Variants in RBFOX1 observed in about 807,000 individuals in gnomAD.
RBFOX1 encodes the protein RNA binding fox-1 homolog 1.
In RBFOX1, 8 loss-of-function variants were observed where a neutral mutation model predicts 57.7. The ratio of observed to expected loss-of-function variants is 0.14; its 90% CI spans 0.08 to 0.25. The LOEUF is 0.25. RBFOX1 is among the 10% of genes least tolerant of loss of function. The pLI is 1.00. For missense variants in RBFOX1, 611 were observed against 548.5 expected (o/e 1.11, Z -1.14); for synonymous variants, 326 against 222.4 (o/e 1.47, Z -4.15).
chr16:5,945,829 C>T (rs1194321524), intron 4 of RBFOX1, among the ~76,000 whole-genome samples: 1 of 152,190 alleles, frequency 6.6e-6, no homozygotes, highest in South Asian at 2.1e-4. Flanking sequence ...GGGCATCCTT[C>T]CTCCCTAGTG....
intron 4 of RBFOX1, among the ~76,000 whole-genome samples, chr16:7,165,111 G>C (rs975391448): frequency 6.6e-6 from 1 of 152,168 alleles, no homozygotes; most frequent in African/African-American, 2.4e-5. Context: ...AATCCTGTCA[G>C]TAGTCATCCA....
At chr16:5,660,750 CT>C (rs2049619336) in intron 3 of RBFOX1, among the ~76,000 whole-genome samples, 1 of 152,100 alleles carries the variant, frequency 6.6e-6, no homozygotes, top group Admixed American at 6.5e-5. Context: ...ATGAATGACG[CT>C]TTAAGATGCC....
intron 1 of RBFOX1, among the ~76,000 whole-genome samples, chr16:6,122,357 A>AACACACACAC (rs61531585): frequency 2.7e-5 from 4 of 145,456 alleles, no homozygotes; most frequent in South Asian, 2.2e-4. Flanking sequence ...CTAAAAGATA[A>AACACACACAC]ACACACACAC....
At chr16:5,463,966 T>C (rs2068875717) in intron 1 of RBFOX1, among the ~76,000 whole-genome samples, 1 of 152,162 alleles carries the variant, frequency 6.6e-6, no homozygotes, top group Non-Finnish European at 1.5e-5. Flanking sequence ...TTGAAGAGCC[T>C]CTCACTGCCA....
At chr16:5,331,481 T>C (rs2064755160) in intron 1 of RBFOX1, among the ~76,000 whole-genome samples, 1 of 152,234 alleles carries the variant, frequency 6.6e-6, no homozygotes, top group Admixed American at 6.5e-5. Flanking sequence ...TTGTTTTATG[T>C]CTGTCTTACC....
At chr16:7,635,594 A>G (rs1046996839) in intron 11 of RBFOX1, among the ~76,000 whole-genome samples, 2 of 152,186 alleles carry the variant, frequency 1.3e-5, no homozygotes, top group Non-Finnish European at 2.9e-5. Context: ...GTGTGTTATT[A>G]GTTTGACTTT....
chr16:6,908,625 A>C (rs1244555346), intron 3 of RBFOX1, among the ~76,000 whole-genome samples: 1 of 152,182 alleles, frequency 6.6e-6, no homozygotes, highest in Non-Finnish European at 1.5e-5. Flanking sequence ...GAAATGGTTA[A>C]TGAATCCTAT....
intron 3 of RBFOX1, among the ~76,000 whole-genome samples, chr16:6,973,597 G>C (rs1357440593): frequency 6.6e-6 from 1 of 152,050 alleles, no homozygotes; most frequent in Non-Finnish European, 1.5e-5. Flanking sequence ...AAATGGTGAG[G>C]ACTTTTTATT....
At chr16:6,298,822 G>A (rs1269921393) in intron 1 of RBFOX1, among the ~76,000 whole-genome samples, 2 of 152,132 alleles carry the variant, frequency 1.3e-5, no homozygotes, top group African/African-American at 2.4e-5. Context: ...ATATTTAAAT[G>A]GATCATGCCA....
At chr16:6,636,218 T>A (rs551329441) in intron 2 of RBFOX1, among the ~76,000 whole-genome samples, 14 of 152,298 alleles carry the variant, frequency 9.2e-5, no homozygotes, top group African/African-American at 3.4e-4. Flanking sequence ...TCGCCCAGGC[T>A]GGAGTGCAGA....
chr16:6,248,457 T>C lies in RBFOX1; in HGVS notation c.-126-68538T>C, dbSNP rs140526070. ...GGGACATGGGTATAAATAAGCTTTATGTAGTCACAGCTACTAAGAGCAATG... is the reference window on the plus strand; with the variant it reads ...GGGACATGGGTATAAATAAGCTTTACGTAGTCACAGCTACTAAGAGCAATG... On this transcript the variant is annotated intron_variant, in intron 1 of 15. Transcript: ENST00000550418. Among the ~76,000 whole-genome samples, 1,435 of 152,254 alleles carry C rather than the reference T, an allele frequency of 9.4e-3. 10 individuals carry two copies. Among genetic ancestry groups the C allele is most frequent in the Middle Eastern group, 0.031 (9 of 294 alleles).
At chr16:7,149,481 TC>T (rs1314517062) in intron 4 of RBFOX1, among the ~76,000 whole-genome samples, 3 of 118,880 alleles carry the variant, frequency 2.5e-5, no homozygotes, top group Non-Finnish European at 5.0e-5. Context: ...TTTCTTTCTT[TC>T]CTTTTTTTTT....
intron 3 of RBFOX1, among the ~76,000 whole-genome samples, chr16:5,715,140 G>C (rs937768700): frequency 6.6e-6 from 1 of 152,242 alleles, no homozygotes; most frequent in East Asian, 1.9e-4. Flanking sequence ...TCATTCCTTG[G>C]TAATGCATTA....
intron 4 of RBFOX1, among the ~76,000 whole-genome samples, chr16:7,160,675 C>T (rs779823335): frequency 7.9e-5 from 12 of 152,058 alleles, no homozygotes; most frequent in Non-Finnish European, 1.6e-4. Context: ...TAATCTTCAT[C>T]TTAGTTTTCC....
At chr16:6,078,592 C>G (rs1364109488) in intron 1 of RBFOX1, among the ~76,000 whole-genome samples, 1 of 152,198 alleles carries the variant, frequency 6.6e-6, no homozygotes, top group Non-Finnish European at 1.5e-5. Context: ...GTTAACCTCT[C>G]TGATCATTGG....
intron 9 of RBFOX1, among the ~76,000 whole-genome samples, chr16:7,599,844 C>T (rs958398047): frequency 6.6e-6 from 1 of 151,546 alleles, no homozygotes; most frequent in Non-Finnish European, 1.5e-5. Context: ...ACCAAGTTGC[C>T]CAGGCTGGTC....
intron 1 of RBFOX1, among the ~76,000 whole-genome samples, chr16:5,247,467 C>T (rs1596297960): frequency 6.6e-6 from 1 of 152,186 alleles, no homozygotes; most frequent in Non-Finnish European, 1.5e-5. Context: ...TTCTCCATTC[C>T]TCCTTCAAGT....
chr16:7,544,721 C>T (rs1444418108), intron 5 of RBFOX1, among the ~76,000 whole-genome samples: 1 of 152,172 alleles, frequency 6.6e-6, no homozygotes, highest in Non-Finnish European at 1.5e-5. Flanking sequence ...TTTTAGTCAC[C>T]TAGCTGGTCA....
chr16:5,367,021 T>C (rs550296108), intron 1 of RBFOX1, among the ~76,000 whole-genome samples: 2 of 152,370 alleles, frequency 1.3e-5, no homozygotes, highest in Admixed American at 6.5e-5. Context: ...ACAGTTTCTA[T>C]TGACTTAATA....
Sources: gnomAD v4.1 joint callset for allele counts (sites outside exome capture counted in the v4.1 genomes callset) on GRCh38, gnomAD v4.1.1 for gene constraint, MANE v1.5 for transcripts, NCBI Gene and HGNC (gene_info 2026-07-23, HGNC 2026-07-21) for gene names.